Variants in PRPF18 observed in about 807,000 individuals in gnomAD.
PRPF18 encodes the protein pre-mRNA processing factor 18.
A neutral mutation model predicts 46.5 loss-of-function variants in PRPF18; 38 were observed. That is an observed-to-expected ratio of 0.82 (90% CI 0.63 to 1.07). The LOEUF (loss-of-function observed/expected upper bound fraction) is 1.07. Among genes scored for constraint, PRPF18 ranks in the 50% least tolerant of loss-of-function variants. The probability of loss-of-function intolerance (pLI) is 0.00; values close to 1 mark genes in which losing one functional copy is unlikely to be tolerated. For missense variants in PRPF18, 263 were observed against 410.0 expected, an observed-to-expected ratio of 0.64 and a Z score of 3.10; for synonymous variants, 152 against 146.7, an observed-to-expected ratio of 1.04 and a Z score of -0.26.
At chr10:13,643,787 C>A in the PRPF18 span, 1 of 152,610 alleles carries the variant, frequency 6.6e-6, no homozygotes, top group Admixed American at 6.5e-5. Flanking sequence ...ATTCTTAATA[C>A]AAAAAGAATA....
intron 4 of PRPF18, among the ~76,000 whole-genome samples, chr10:13,606,137 T>A (rs1057189574): frequency 6.6e-5 from 10 of 151,942 alleles, no homozygotes; most frequent in African/African-American, 2.4e-4. Flanking sequence ...ATCCCTGAAC[T>A]TAAAAGTTGA....
chr10:13,625,102 G>A (rs1278444718), intron 9 of PRPF18, among the ~76,000 whole-genome samples: 1 of 152,220 alleles, frequency 6.6e-6, no homozygotes, highest in Non-Finnish European at 1.5e-5. Flanking sequence ...AGGAGGCTGA[G>A]GTGGGAGGGG....
chr10:13,595,212 G>A (rs2080016574), intron 1 of PRPF18, among the ~76,000 whole-genome samples: 1 of 152,176 alleles, frequency 6.6e-6, no homozygotes, highest in Admixed American at 6.5e-5. Context: ...TAATGTCTTA[G>A]TATATCATGA....
intron 9 of PRPF18, among the ~76,000 whole-genome samples, chr10:13,618,643 A>G (rs1030831735): frequency 3.4e-5 from 5 of 146,420 alleles, no homozygotes; most frequent in African/African-American, 7.6e-5. Context: ...AAAAAAAAAG[A>G]AAGAATTTAG....
chr10:13,613,935 A>G, intron 7 of PRPF18, 54 bp downstream of exon 7: 3 of 1,575,218 alleles, frequency 1.9e-6, no homozygotes, highest in Non-Finnish European at 2.6e-6. Flanking sequence ...TACAGTATAA[A>G]TTTAGAATAA....
intron 3 of PRPF18, among the ~76,000 whole-genome samples, chr10:13,602,708 C>T (rs1033123604): frequency 2.6e-5 from 4 of 151,996 alleles, no homozygotes; most frequent in African/African-American, 4.8e-5. Context: ...TGAAATTTCA[C>T]GTCACTTACA....
the PRPF18 span, chr10:13,653,541 A>G: frequency 4.6e-5 from 7 of 152,314 alleles, no homozygotes; most frequent in Non-Finnish European, 7.3e-5. Context: ...AATACAGCCA[A>G]TTCTGGAATT....
At chr10:13,616,249 T>C (rs963619410) in intron 8 of PRPF18, 149 bp from the exon 9 acceptor site, 2 of 769,810 alleles carry the variant, frequency 2.6e-6, no homozygotes, top group Non-Finnish European at 4.1e-6. Flanking sequence ...TAATCTGTTT[T>C]GTTTGAATAA....
At chr10:13,617,973 T>C (rs1200329192) in intron 9 of PRPF18, among the ~76,000 whole-genome samples, 1 of 152,182 alleles carries the variant, frequency 6.6e-6, no homozygotes, top group African/African-American at 2.4e-5. Context: ...GCTGGACTCA[T>C]AGCTCATTGA....
the PRPF18 span, chr10:13,654,417 C>T: frequency 6.3e-7 from 1 of 1,591,732 alleles, no homozygotes; most frequent in Non-Finnish European, 8.6e-7. Context: ...AGAACTCACC[C>T]AGTCTGCCAG....
the PRPF18 span, among the ~76,000 whole-genome samples, chr10:13,650,632 G>C: frequency 6.6e-6 from 1 of 152,134 alleles, no homozygotes; most frequent in Non-Finnish European, 1.5e-5. Context: ...CACTGGGGCT[G>C]GGGGAGGGGG....
chr10:13,638,263 T>G, the PRPF18 span: 1 of 151,566 alleles, frequency 6.6e-6, no homozygotes, highest in South Asian at 2.1e-4. Context: ...GAAGATGTGC[T>G]AAAGATGGCA....
the PRPF18 span, chr10:13,638,529 G>A: frequency 6.6e-6 from 1 of 152,094 alleles, no homozygotes; most frequent in Non-Finnish European, 1.5e-5. Context: ...TGGTGGTGTA[G>A]CTCCCGTCTG....
At chr10:13,651,966 G>C in the PRPF18 span, 2 of 1,581,650 alleles carry the variant, frequency 1.3e-6, no homozygotes, top group Non-Finnish European at 1.7e-6. Flanking sequence ...TGAGTTTTCT[G>C]TTGCTTCTCT....
At chr10:13,646,069 CTT>C in the PRPF18 span, 2 of 152,240 alleles carry the variant, frequency 1.3e-5, no homozygotes, top group East Asian at 1.9e-4. Flanking sequence ...ACAGGTCTCT[CTT>C]TGTGTCCAGA....
chr10:13,625,824 G>C (rs997901997), intron 9 of PRPF18, among the ~76,000 whole-genome samples: 1 of 152,218 alleles, frequency 6.6e-6, no homozygotes, highest in Admixed American at 6.5e-5. Flanking sequence ...CTTTGCAATA[G>C]CTAGGGAAAT....
chr10:13,592,036 C>T, intron 1 of PRPF18: 1 of 613,072 alleles, frequency 1.6e-6, no homozygotes, highest in Non-Finnish European at 2.9e-6. Flanking sequence ...CCATTCTTGT[C>T]ACCACCAACT....
intron 4 of PRPF18, among the ~76,000 whole-genome samples, chr10:13,606,733 C>CAAAAAAAAAAA (rs34162273): frequency 2.6e-4 from 19 of 73,010 alleles, no homozygotes; most frequent in Admixed American, 6.0e-4. Context: ...GACTCCTTCT[C>CAAAAAAAAAAA]AAAAAAAAAA....
chr10:13,602,248 T>C (rs2080122801), intron 3 of PRPF18, among the ~76,000 whole-genome samples: 1 of 152,246 alleles, frequency 6.6e-6, no homozygotes, highest in South Asian at 2.1e-4. Context: ...CTATTAGTGA[T>C]TATTAGAATT....
Sources: gnomAD v4.1 joint callset for allele counts (sites outside exome capture counted in the v4.1 genomes callset) on GRCh38, gnomAD v4.1.1 for gene constraint, MANE v1.5 for transcripts, NCBI Gene and HGNC (gene_info 2026-07-23, HGNC 2026-07-21) for gene names.